The following BPNT2 variants were observed in gnomAD, a reference collection of about 807,000 sequenced individuals.
BPNT2 encodes Golgi-resident adenosine 3',5'-bisphosphate 3'-phosphatase.
BPNT2 carries 11 observed loss-of-function variants against 29.3 expected under a neutral mutation model. The ratio of observed to expected loss-of-function variants is 0.38; its 90% CI spans 0.24 to 0.62. BPNT2 has a LOEUF of 0.62. Among genes scored for constraint, BPNT2 ranks in the 20% least tolerant of loss-of-function variants. The probability of loss-of-function intolerance (pLI) is 0.62; values close to 1 mark genes in which losing one functional copy is unlikely to be tolerated. For missense variants in BPNT2, 459 were observed against 473.4 expected, an observed-to-expected ratio of 0.97 and a Z score of 0.28; for synonymous variants, 195 against 187.7, an observed-to-expected ratio of 1.04 and a Z score of -0.32.
At position 56,963,684 on chromosome 8, in the gene BPNT2, G is replaced by C. The variant is rs1343502353; in HGVS notation, c.*109C>G. The C allele has an allele frequency of 1.6e-6, 2 of 1,270,686 alleles. No individual in the cohort carries two copies. Among genetic ancestry groups the C allele is most frequent in the East Asian group, 2.3e-5 (1 of 43,216 alleles). 78.7% of individuals were successfully genotyped at this position (1,270,686 alleles called of 1,614,324 possible). ...TGATGCTTCATAAATACTTTAAAAA[G>C]TTCGGGATGGCCTTAACCATGCATA... On this transcript the variant is annotated 3_prime_UTR_variant, in exon 5 of 5. Coordinates refer to ENST00000262644, the MANE Select transcript of BPNT2 (RefSeq NM_017813.5).
Position 56,964,081 on chromosome 8 carries a change from G to T in BPNT2, c.809-17C>A, listed in dbSNP as rs771483597. The T allele has an allele frequency of 9.1e-6, 14 of 1,544,754 alleles. No homozygotes were observed. The South Asian group carries it at 1.3e-4, about 14-fold the overall frequency. ...CTTTATAACCTAAAAGATAAACAAAGAATTTAGGTTATTATTCAAAAAATT... is the reference window on the plus strand; with the variant it reads ...CTTTATAACCTAAAAGATAAACAAATAATTTAGGTTATTATTCAAAAAATT... On this transcript the variant is annotated splice_polypyrimidine_tract_variant and intron_variant, in intron 4 of 4. Transcript: ENST00000262644.
chr8:56,987,886 G>A (rs547497433), intron 1 of BPNT2, among the ~76,000 whole-genome samples: 2 of 151,736 alleles, frequency 1.3e-5, no homozygotes, highest in African/African-American at 2.4e-5. Flanking sequence ...CCGCCACCAC[G>A]CCCAGCTAAT....
chr8:56,980,036 T>G lies in BPNT2; in HGVS notation c.549A>C (p.Thr183=). 2.5e-6 allele frequency: 4 copies of G among 1,613,644 alleles called. No homozygotes were observed. Among genetic ancestry groups the G allele is most frequent in the Non-Finnish European group, 3.4e-6 (4 of 1,179,764 alleles). ...IDPLDATQEY[T]EDLRKYVTTM... ...TTTTGAGTTCAGTTTAAAAATTACC[T>G]GTATATTCCTGTGTAGCATCAAGTG... The change falls in exon 2 of 5, where the codon ACA becomes ACC. Residue 183 remains threonine (T), a splice_region_variant and synonymous_variant. Transcript: ENST00000262644.
chr8:56,976,560 T>C (rs977977105), intron 3 of BPNT2, among the ~76,000 whole-genome samples: 1 of 152,108 alleles, frequency 6.6e-6, no homozygotes, highest in African/African-American at 2.4e-5. Flanking sequence ...ATTTGAATTA[T>C]GAAAAGAAGA....
intron 3 of BPNT2, among the ~76,000 whole-genome samples, chr8:56,968,576 C>T (rs562026542): frequency 1.3e-3 from 197 of 152,146 alleles, no homozygotes; most frequent in South Asian, 1.0e-2. Flanking sequence ...AGGCCAAGGT[C>T]GGAGGATCAC....
intron 2 of BPNT2, among the ~76,000 whole-genome samples, chr8:56,978,782 C>G (rs1464410215): frequency 6.6e-6 from 1 of 152,070 alleles, no homozygotes; most frequent in East Asian, 1.9e-4. Flanking sequence ...CCTTAGCAAA[C>G]TAACACAGGA....
intron 3 of BPNT2, among the ~76,000 whole-genome samples, chr8:56,975,833 T>C (rs895347940): frequency 1.3e-5 from 2 of 152,174 alleles, no homozygotes; most frequent in East Asian, 3.9e-4. Context: ...CTATGGTTGA[T>C]TCTACCACTA....
chr8:56,988,340 C>A (rs1396819626), intron 1 of BPNT2, among the ~76,000 whole-genome samples: 2 of 152,182 alleles, frequency 1.3e-5, no homozygotes, highest in African/African-American at 2.4e-5. Flanking sequence ...AGTTCAAATG[C>A]CAACTCCTCA....
At chr8:56,991,105 T>C (rs754257314) in intron 1 of BPNT2, among the ~76,000 whole-genome samples, 17 of 152,306 alleles carry the variant, frequency 1.1e-4, no homozygotes, top group Non-Finnish European at 2.2e-4. Flanking sequence ...TCCTTTTAGG[T>C]TGATTCTCCA....
chr8:56,958,603 C>CA lies in BPNT2; in HGVS notation c.*5189dup, dbSNP rs1805777339. On this transcript the variant is annotated 3_prime_UTR_variant, in exon 5 of 5. Transcript: ENST00000262644. ...GTTAGCCCAGTATAAGGCAGGATGA[C>CA]AAAAAATAAATAAAAGTATGAAGAG... The CA allele has an allele frequency of 6.6e-6, 1 of 151,900 alleles. No individual in the cohort carries two copies. The highest frequency in any genetic ancestry group is 1.5e-5 in the Non-Finnish European group (1 of 67,976). 9.4% of individuals were successfully genotyped at this position (151,900 alleles called of 1,614,324 possible).
chr8:56,966,317 C>A lies in BPNT2; in HGVS notation c.682G>T (p.Ala228Ser). 1.9e-6 allele frequency: 3 copies of A among 1,613,986 alleles called. No homozygotes were observed. The African/African-American group carries it at 4.0e-5, about 22-fold the overall frequency. ...AMVDGGSNVK[A>S]RSSYNEKTPR... ...GTCTTCTCATTGTAGGAAGAGCGGG[C>A]TTTCACATTTGAACCACCATCTACC... Residue 228 changes from alanine to serine, a missense_variant, in exon 4 of 5, where the codon GCC (alanine) becomes TCC (serine). By Grantham distance (99) the Ala-to-Ser change is moderately conservative. Transcript: ENST00000262644.
At chr8:56,985,951 C>A (rs1456644874) in intron 1 of BPNT2, among the ~76,000 whole-genome samples, 1 of 152,216 alleles carries the variant, frequency 6.6e-6, no homozygotes, top group African/African-American at 2.4e-5. Flanking sequence ...CTGCCCAATT[C>A]TCCAATCTCT....
rs748496488 is a variant in BPNT2 at position 56,966,359 on chromosome 8, AG to A, written c.647-8del. 19 of 1,612,608 alleles carry A rather than the reference AG, an allele frequency of 1.2e-5. No individual in the cohort carries two copies. Among genetic ancestry groups the A allele is most frequent in the Non-Finnish European group, 1.5e-5 (18 of 1,178,790 alleles). On this transcript the variant is annotated splice_region_variant and splice_polypyrimidine_tract_variant and intron_variant, in intron 3 of 4. Transcript: ENST00000262644. ...CCATCTACCATTGCCCAAGCTGAAA[AG>A]CAAATATAATATCCATTAATGGCAC... is the stretch of plus-strand genomic sequence containing the variant.
In BPNT2 at chr8:56,993,659, C is replaced by T. The variant is rs1424836394; in HGVS notation, c.-74G>A. On this transcript the variant is annotated 5_prime_UTR_variant, in exon 1 of 5. Transcript: ENST00000262644. Reference sequence around the variant, plus strand: ...CGCCCGCCGCCGCCGCCGCCGCAGCCGCCGCGCTCCGGGCCAGGCGCCGCG... The same window carrying T: ...CGCCCGCCGCCGCCGCCGCCGCAGCTGCCGCGCTCCGGGCCAGGCGCCGCG... The T allele has an allele frequency of 1.7e-6, 2 of 1,166,172 alleles. No individual in the cohort carries two copies. Among genetic ancestry groups the T allele is most frequent in the Non-Finnish European group, 2.1e-6 (2 of 949,142 alleles). The allele number at this position is 1,166,172 out of a possible 1,614,324, so 72.2% of individuals were successfully genotyped here.
intron 4 of BPNT2, 83 bp from the exon 5 acceptor site, chr8:56,964,147 A>C (rs1363912092): frequency 1.0e-6 from 1 of 988,616 alleles, no homozygotes; most frequent in African/African-American, 1.6e-5. Context: ...TATCCTGTTA[A>C]AATAGCAGGA....
intron 1 of BPNT2, among the ~76,000 whole-genome samples, chr8:56,992,087 A>G (rs1474511408): frequency 4.6e-5 from 7 of 152,220 alleles, no homozygotes. Flanking sequence ...AGGAGAATAA[A>G]AAACAAAACC....
rs921731467 is a variant in BPNT2, at chr8:56,961,029, C to T, written c.*2764G>A. On this transcript the variant is annotated 3_prime_UTR_variant, in exon 5 of 5. Transcript: ENST00000262644. ...AAGCAGAGATAAAGGAGAACATGAA[C>T]CGGTAAGGGAAATGGTCACAAGGTA... is the stretch of plus-strand genomic sequence containing the variant. 6.6e-6 allele frequency: 1 copy of T among 152,098 alleles called. No homozygotes were observed. The highest frequency in any genetic ancestry group is 6.5e-5 in the Admixed American group (1 of 15,286). The allele number at this position is 152,098 out of a possible 1,614,324, so 9.4% of individuals were successfully genotyped here.
chr8:56,979,839 G>A lies in BPNT2; in HGVS notation c.550+196C>T, dbSNP rs188070781. Among the ~76,000 whole-genome samples, 11 of 152,194 alleles carry A rather than the reference G, an allele frequency of 7.2e-5. No individual in the cohort carries two copies. In the East Asian group the frequency reaches 7.7e-4, roughly 11 times the overall value. ...TTAAAACTTAAATTCCTAACATCCC[G>A]AGTAAACATTAAATTCTGGCTAAAG... On this transcript the variant is annotated intron_variant, in intron 2 of 4. Transcript: ENST00000262644.
chr8:56,988,799 A>C (rs1198923298), intron 1 of BPNT2, among the ~76,000 whole-genome samples: 1 of 152,222 alleles, frequency 6.6e-6, no homozygotes, highest in Non-Finnish European at 1.5e-5. Flanking sequence ...CTAAAATGGC[A>C]TTCATAATCT....
Sources: gnomAD v4.1 joint callset for allele counts (sites outside exome capture counted in the v4.1 genomes callset) on GRCh38, gnomAD v4.1.1 for gene constraint, MANE v1.5 for transcripts, NCBI Gene and HGNC (gene_info 2026-07-23, HGNC 2026-07-21) for gene names.